HOMER2: variants seen among roughly 807,000 people sequenced by gnomAD.
The protein encoded by HOMER2 is homer scaffold protein 2, also known as homer protein homolog 2.
Under a neutral mutation model 47.0 loss-of-function variants are expected in HOMER2, and 27 were observed. The ratio of observed to expected loss-of-function variants is 0.57; its 90% CI spans 0.42 to 0.79. The LOEUF is 0.79. HOMER2 is among the 30% of genes least tolerant of loss of function. The pLI is 0.00. For synonymous variants in HOMER2, 161 were observed against 163.8 expected (o/e 0.98, Z 0.13); for missense variants, 443 against 435.0 (o/e 1.02, Z -0.16).
chr15:82,868,063 G>A (rs997742608), intron 3 of HOMER2, among the ~76,000 whole-genome samples: 2 of 151,902 alleles, frequency 1.3e-5, no homozygotes, highest in African/African-American at 4.8e-5. Context: ...ATATATGCTT[G>A]TAAATTTGGA....
rs552563280 is a variant in HOMER2, at chr15:82,911,098, C to T, written c.6-18257G>A. 9.9e-5 allele frequency among the ~76,000 whole-genome samples: 15 copies of T among 152,282 alleles called. No homozygotes were observed. The South Asian group carries it at 1.9e-3, about 19-fold the overall frequency. ...TGTTATGTTGATTATAGGTGTAAGA[C>T]GCCACTGCAGGGAAGAGAATCCCTT... is the stretch of plus-strand genomic sequence containing the variant. On this transcript the variant is annotated intron_variant, in intron 1 of 8. Coordinates refer to ENST00000450735, the MANE Select transcript of HOMER2 (RefSeq NM_004839.4).
chr15:82,914,197 A>G (rs1277174833), intron 1 of HOMER2, among the ~76,000 whole-genome samples: 1 of 148,254 alleles, frequency 6.7e-6, no homozygotes, highest in Non-Finnish European at 1.5e-5. Flanking sequence ...ACACACACAC[A>G]CACACACACA....
intron 3 of HOMER2, among the ~76,000 whole-genome samples, chr15:82,868,541 A>ATATATAT: frequency 0.032 from 2,290 of 71,310 alleles, 171 homozygotes; most frequent in Non-Finnish European, 0.054. Flanking sequence ...ATATATATAT[A>ATATATAT]TTTTTTTTTT....
At position 82,859,318 on chromosome 15, in the gene HOMER2, C is replaced by T. The variant is rs540132190; in HGVS notation, c.388-183G>A. On this transcript the variant is annotated intron_variant, in intron 4 of 8. Coordinates refer to ENST00000450735, the MANE Select transcript of HOMER2 (RefSeq NM_004839.4). ...AACAAGTTTTTGTTTTTTTTTTAAA[C>T]AAACAAACAAACAAAAAAGAAAACA... The T allele has an allele frequency of 5.5e-4, 382 of 693,548 alleles. 2 individuals carry two copies. The highest frequency in any genetic ancestry group is 3.5e-3 in the African/African-American group (192 of 55,166). 43.0% of individuals were successfully genotyped at this position (693,548 alleles called of 1,614,324 possible).
intron 5 of HOMER2, 88 bp from the exon 6 acceptor site, chr15:82,854,888 C>A: frequency 6.7e-7 from 1 of 1,483,992 alleles, no homozygotes; most frequent in Non-Finnish European, 9.1e-7. Context: ...CGCCATCCCT[C>A]AGCACACCCC....
In HOMER2 at chr15:82,913,068, T is replaced by C. The variant is rs746478518; in HGVS notation, c.6-20227A>G. 1.3e-5 allele frequency among the ~76,000 whole-genome samples: 2 copies of C among 152,148 alleles called. No homozygotes were observed. The highest frequency in any genetic ancestry group is 2.9e-5 in the Non-Finnish European group (2 of 68,020). On this transcript the variant is annotated intron_variant, in intron 1 of 8. Transcript: ENST00000450735. This position sits in a 1 kb window ranked among gnomAD's most constrained non-coding sequence, Gnocchi z 4.1. ...GAGAGACAAGAGGGAGTCAGGTAAC[T>C]GTAAAGCAAATGGTTTTTATGCGGT...
At chr15:82,856,107 C>G (rs1567015385) in intron 5 of HOMER2, among the ~76,000 whole-genome samples, 1 of 152,232 alleles carries the variant, frequency 6.6e-6, no homozygotes, top group Non-Finnish European at 1.5e-5. Context: ...TATGTACTTT[C>G]ACTTTCAAAC....
rs2051694504 is a variant in HOMER2, at chr15:82,859,275, C to A, written c.388-140G>T. On this transcript the variant is annotated intron_variant, in intron 4 of 8. Coordinates refer to ENST00000450735, the MANE Select transcript of HOMER2 (RefSeq NM_004839.4). ...GTGTGGACGAACCAACTCATCCAAC[C>A]AGAATGCAGCAAAGACTAACAAGTT... 1.3e-5 allele frequency: 15 copies of A among 1,158,016 alleles called. No individual in the cohort carries two copies. In the East Asian group the frequency reaches 2.9e-4, roughly 22 times the overall value. The allele number at this position is 1,158,016 out of a possible 1,614,324, so 71.7% of individuals were successfully genotyped here.
At chr15:82,924,458 G>A (rs908579438) in intron 1 of HOMER2, among the ~76,000 whole-genome samples, 2 of 151,342 alleles carry the variant, frequency 1.3e-5, no homozygotes, top group Admixed American at 6.6e-5. Flanking sequence ...GGGCCACATG[G>A]CTTGTGTGTG....
intron 1 of HOMER2, among the ~76,000 whole-genome samples, chr15:82,951,090 AG>A: frequency 6.6e-6 from 1 of 152,328 alleles, no homozygotes; most frequent in East Asian, 1.9e-4. Context: ...CTCAAAGATC[AG>A]CCTTTTCACA....
intron 2 of HOMER2, among the ~76,000 whole-genome samples, chr15:82,881,589 T>C (rs1567032160): frequency 6.6e-6 from 1 of 152,246 alleles, no homozygotes; most frequent in Non-Finnish European, 1.5e-5. Context: ...ACCTTCCTTA[T>C]GCTTGCTCCC....
chr15:82,869,412 A>C (rs1214112278), intron 3 of HOMER2, among the ~76,000 whole-genome samples: 1 of 149,524 alleles, frequency 6.7e-6, no homozygotes, highest in Non-Finnish European at 1.5e-5. Flanking sequence ...ATATGATATT[A>C]ATACTTCCAT....
chr15:82,980,874 CTGAAT>C (rs2030370524), intron 1 of HOMER2, among the ~76,000 whole-genome samples: 1 of 152,054 alleles, frequency 6.6e-6, no homozygotes, highest in East Asian at 1.9e-4. Context: ...AGAAACTTGA[CTGAAT>C]TGAACAGAAA....
chr15:82,898,556 T>C (rs996508688), intron 1 of HOMER2: 2 of 152,222 alleles, frequency 1.3e-5, no homozygotes, highest in East Asian at 3.8e-4. Context: ...TTGCATAGTC[T>C]CTTTAGAGCT....
chr15:82,952,609 C>A lies in HOMER2; in HGVS notation c.-74G>T. 2.7e-6 allele frequency: 3 copies of A among 1,094,182 alleles called. No homozygotes were observed. The South Asian group carries it at 1.3e-4, about 47-fold the overall frequency. The allele number at this position is 1,094,182 out of a possible 1,614,324, so 67.8% of individuals were successfully genotyped here. On this transcript the variant is annotated 5_prime_UTR_variant, in exon 1 of 9. Coordinates refer to ENST00000450735, the MANE Select transcript of HOMER2 (RefSeq NM_004839.4). ...TCTCCGCCCGCTCGGCAGCCGCTCC[C>A]CGCGCGGCACATGCGGCGGCCCGTG...
chr15:82,845,258 A>ACACACACG (rs2051225213), downstream of HOMER2: 1 of 143,242 alleles, frequency 7.0e-6, no homozygotes, highest in Non-Finnish European at 1.6e-5. Context: ...ACACACACAC[A>ACACACACG]CACGCGTGCG....
chr15:82,984,732 C>G (rs2030530700), intron 1 of HOMER2, among the ~76,000 whole-genome samples: 1 of 152,122 alleles, frequency 6.6e-6, no homozygotes, highest in African/African-American at 2.4e-5. Context: ...GAGAGGATCG[C>G]CTGAGCCCAG....
At chr15:82,844,774 T>C (rs2051216460), downstream of HOMER2, 1 of 152,244 alleles carries the variant, frequency 6.6e-6, no homozygotes, top group Non-Finnish European at 1.5e-5. Context: ...CTCTTATATT[T>C]GATGCAAGGA....
At chr15:82,851,022 C>T (rs1310156052) in intron 8 of HOMER2, 129 bp downstream of exon 8, 2 of 703,692 alleles carry the variant, frequency 2.8e-6, no homozygotes, top group Non-Finnish European at 4.9e-6. Context: ...TCACTGCCAG[C>T]TTTTTGTGAA....
Sources: gnomAD v4.1 joint callset for allele counts (sites outside exome capture counted in the v4.1 genomes callset) on GRCh38, gnomAD v4.1.1 for gene constraint, Gnocchi (gnomAD v3.1) non-coding constraint, MANE v1.5 for transcripts, NCBI Gene and HGNC (gene_info 2026-07-23, HGNC 2026-07-21) for gene names.